Variants in PAK3 observed in about 807,000 individuals in gnomAD.
PAK3 encodes serine/threonine-protein kinase PAK 3.
Under a neutral mutation model 41.0 loss-of-function variants are expected in PAK3, and 4 were observed. That is an observed-to-expected ratio of 0.10 (90% CI 0.05 to 0.22). PAK3 has a LOEUF of 0.22. Ranked by LOEUF, PAK3 falls within the 10% of genes least tolerant of loss-of-function variation. The pLI, the probability that PAK3 is intolerant of heterozygous loss-of-function variation, is 1.00. For missense variants in PAK3, 205 were observed against 409.9 expected (o/e 0.50, Z 4.32); for synonymous variants, 146 against 139.6 (o/e 1.05, Z -0.32).
chrX:111,205,027 C>T (rs2094729684), intron 16 of PAK3, among the ~76,000 whole-genome samples: 1 of 104,038 alleles, frequency 9.6e-6, no homozygotes, highest in South Asian at 4.6e-4. Context: ...TCTCTACCAA[C>T]TGTTCGCATT....
chrX:110,960,443 G>A (rs1485074167), intron 1 of PAK3, among the ~76,000 whole-genome samples: 3 of 111,994 alleles, frequency 2.7e-5, no homozygotes, highest in Non-Finnish European at 1.9e-5. Context: ...TTGAGGGAGA[G>A]CATTATAAAC....
chrX:110,968,506 T>C (rs1226871491), intron 1 of PAK3, among the ~76,000 whole-genome samples: 3 of 112,564 alleles, frequency 2.7e-5, no homozygotes, highest in African/African-American at 9.7e-5. Context: ...TGTCACAAAT[T>C]TTTTACTTCA....
At chrX:110,979,183 G>A (rs2091398467) in intron 1 of PAK3, among the ~76,000 whole-genome samples, 1 of 110,060 alleles carries the variant, frequency 9.1e-6, no homozygotes, top group African/African-American at 3.3e-5. Context: ...TCAGATGTTG[G>A]TAATTTGTGT....
intron 8 of PAK3, among the ~76,000 whole-genome samples, chrX:111,153,634 C>T (rs1469118152): frequency 8.9e-6 from 1 of 111,892 alleles, no homozygotes; most frequent in East Asian, 2.8e-4. Flanking sequence ...AGACCAATGC[C>T]TTTTATAGTG....
chrX:111,142,841 A>C (rs1252723702), intron 6 of PAK3, among the ~76,000 whole-genome samples: 2 of 111,100 alleles, frequency 1.8e-5, no homozygotes, highest in Non-Finnish European at 3.8e-5. Context: ...AATCCATAGT[A>C]CATACCAATA....
rs1194852858 is a variant in PAK3, at chrX:111,220,349, CT to C, written c.1546-5del. 8.8e-7 allele frequency: 1 copy of C among 1,137,669 alleles called. No homozygotes were observed. Among genetic ancestry groups the C allele is most frequent in the African/African-American group, 1.8e-5 (1 of 55,709 alleles). 93.8% of individuals were successfully genotyped at this position (1,137,669 alleles called of 1,213,427 possible). ...TTCCAATAATTCCTCTTTTTCCTTCCTTTTGCAGCATCCATTTTTAAAATTA... is the reference window on the plus strand; with the variant it reads ...TTCCAATAATTCCTCTTTTTCCTTCCTTTGCAGCATCCATTTTTAAAATTA... On this transcript the variant is annotated splice_region_variant and splice_polypyrimidine_tract_variant and intron_variant, in intron 17 of 17. Coordinates refer to ENST00000372007, the MANE Select transcript of PAK3 (RefSeq NM_002578.5).
intron 5 of PAK3, among the ~76,000 whole-genome samples, chrX:111,128,982 G>A (rs186257727): frequency 9.0e-6 from 1 of 111,111 alleles, no homozygotes; most frequent in East Asian, 2.8e-4. Flanking sequence ...AGTTCTTAAA[G>A]TACTATATAG....
intron 8 of PAK3, 74 bp downstream of exon 8, chrX:111,152,521 C>A (rs763780198): frequency 1.1e-4 from 74 of 697,411 alleles, no homozygotes; most frequent in Non-Finnish European, 1.6e-4. Flanking sequence ...CTGCACAGAT[C>A]CAGTTTTTAG....
intron 16 of PAK3, among the ~76,000 whole-genome samples, chrX:111,199,305 A>T (rs1031342218): frequency 9.0e-6 from 1 of 111,229 alleles, no homozygotes; most frequent in Non-Finnish European, 1.9e-5. Flanking sequence ...TCCTATTTGG[A>T]TGCCTTTTAT....
chrX:111,207,029 C>T (rs2094756302), intron 16 of PAK3, among the ~76,000 whole-genome samples: 1 of 108,963 alleles, frequency 9.2e-6, no homozygotes, highest in Non-Finnish European at 1.9e-5. Flanking sequence ...CAGTTGCAGG[C>T]AACAACCAGC....
chrX:111,003,471 C>T (rs186035485), intron 1 of PAK3, among the ~76,000 whole-genome samples: 11 of 111,658 alleles, frequency 9.9e-5, no homozygotes, highest in Non-Finnish European at 1.9e-4. Flanking sequence ...ACCTCTACCA[C>T]TCCTTGGTAA....
chrX:110,963,674 A>G (rs1159375076), intron 1 of PAK3, among the ~76,000 whole-genome samples: 1 of 112,426 alleles, frequency 8.9e-6, no homozygotes, highest in Non-Finnish European at 1.9e-5. Flanking sequence ...GGTTTTCATC[A>G]GGTTCTAGTG....
intron 1 of PAK3, among the ~76,000 whole-genome samples, chrX:111,097,003 G>T (rs1403019841): frequency 2.7e-5 from 3 of 109,167 alleles, no homozygotes. Flanking sequence ...TTTTGGTGGG[G>T]GGATGGTAAT....
chrX:111,209,933 A>G lies in PAK3; in HGVS notation c.1408-6488A>G, dbSNP rs538296711. ...ACTGAGGAAATTGTTAATATAGTAA[A>G]TTGAATTATCCCTTAAACTTGGTAA... On this transcript the variant is annotated intron_variant, in intron 16 of 17. Coordinates refer to ENST00000372007, the MANE Select transcript of PAK3 (RefSeq NM_002578.5). Among the ~76,000 whole-genome samples, 13 of 112,184 alleles carry G rather than the reference A, an allele frequency of 1.2e-4. No individual in the cohort carries two copies. The South Asian group carries it at 4.9e-3, about 42-fold the overall frequency.
intron 1 of PAK3, among the ~76,000 whole-genome samples, chrX:111,003,919 T>C (rs1210587928): frequency 8.9e-6 from 1 of 112,561 alleles, no homozygotes; most frequent in East Asian, 2.8e-4. Flanking sequence ...TACTGGCCAC[T>C]TGACTTTGGG....
intron 17 of PAK3, among the ~76,000 whole-genome samples, chrX:111,219,886 A>T (rs934931780): frequency 1.8e-5 from 2 of 111,632 alleles, no homozygotes; most frequent in African/African-American, 3.3e-5. Flanking sequence ...GGCAAAAAAA[A>T]TAAATTAAAA....
At chrX:110,970,166 GC>G (rs2091175682) in intron 1 of PAK3, among the ~76,000 whole-genome samples, 1 of 112,035 alleles carries the variant, frequency 8.9e-6, no homozygotes, top group Non-Finnish European at 1.9e-5. Flanking sequence ...GTGATGATGA[GC>G]TTTTTTTCAG....
intron 12 of PAK3, 100 bp downstream of exon 12, chrX:111,192,275 A>G: frequency 1.6e-6 from 1 of 609,215 alleles, no homozygotes; most frequent in Non-Finnish European, 2.8e-6. Flanking sequence ...AATGGGTAGC[A>G]CTGGGTTGAC....
At chrX:111,176,830 C>T (rs1469556238) in intron 11 of PAK3, among the ~76,000 whole-genome samples, 4 of 111,085 alleles carry the variant, frequency 3.6e-5, no homozygotes, top group Admixed American at 9.6e-5. Flanking sequence ...TATAATCTGC[C>T]GGCTTAAATC....
Sources: gnomAD v4.1 joint callset for allele counts (sites outside exome capture counted in the v4.1 genomes callset) on GRCh38, gnomAD v4.1.1 for gene constraint, MANE v1.5 for transcripts, NCBI Gene and HGNC (gene_info 2026-07-23, HGNC 2026-07-21) for gene names.